Variants in TANC1 observed in about 807,000 individuals in gnomAD.
TANC1 encodes tetratricopeptide repeat, ankyrin repeat and coiled-coil containing 1, also known as protein TANC1.
Under a neutral mutation model 149.7 loss-of-function variants are expected in TANC1, and 77 were observed. That is an observed-to-expected ratio of 0.51 (90% confidence interval 0.43 to 0.62). The LOEUF (loss-of-function observed/expected upper bound fraction) is 0.62. Among genes scored for constraint, TANC1 ranks in the 20% least tolerant of loss-of-function variants. The pLI is 0.00. For synonymous variants in TANC1, 854 were observed against 925.0 expected (o/e 0.92, Z 1.39); for missense variants, 1,985 against 2,321.8 (o/e 0.85, Z 2.98).
chr2:159,177,911 G>C (rs940634249), intron 13 of TANC1, among the ~76,000 whole-genome samples: 1 of 152,180 alleles, frequency 6.6e-6, no homozygotes, highest in Non-Finnish European at 1.5e-5. Context: ...GAAAATTAGT[G>C]ACACTGTGCA....
At chr2:159,065,655 T>TTTA (rs11446129) in intron 2 of TANC1, among the ~76,000 whole-genome samples, 2 of 151,176 alleles carry the variant, frequency 1.3e-5, no homozygotes, top group African/African-American at 4.8e-5. Flanking sequence ...TTTTTTTTTT[T>TTTA]AGCTTTTCTA....
In TANC1 at chr2:158,994,740, A is replaced by G. The variant is rs563858500; in HGVS notation, c.-125-6340A>G. On this transcript the variant is annotated intron_variant, in intron 1 of 26. Coordinates refer to ENST00000263635, the MANE Select transcript of TANC1 (RefSeq NM_033394.3). ...AAGTTGATTTATTTGTGGTTATTGT[A>G]ATACTATTTTGCCAAGTCATAAATG... Among the ~76,000 whole-genome samples the G allele has an allele frequency of 6.6e-5, 10 of 152,236 alleles. 1 individual carries two copies. Among genetic ancestry groups the G allele is most frequent in the South Asian group, 4.1e-4 (2 of 4,826 alleles).
chr2:159,045,149 A>G (rs558078863), intron 2 of TANC1, among the ~76,000 whole-genome samples: 2 of 152,334 alleles, frequency 1.3e-5, no homozygotes, highest in Admixed American at 6.5e-5. Context: ...GTGATAGTGT[A>G]TATCATGAAG....
intron 2 of TANC1, among the ~76,000 whole-genome samples, chr2:159,040,233 AG>A (rs2040522330): frequency 6.6e-6 from 1 of 151,260 alleles, no homozygotes; most frequent in African/African-American, 2.4e-5. Context: ...TTTATTTTTG[AG>A]CCTGGGGGTT....
chr2:158,980,893 T>G lies in TANC1; in HGVS notation c.-126+12111T>G, dbSNP rs147272691. Among the ~76,000 whole-genome samples the G allele has an allele frequency of 3.5e-3, 540 of 152,298 alleles. 5 individuals carry two copies. The highest frequency in any genetic ancestry group is 0.012 in the African/African-American group (504 of 41,574). ...GGGCTGTTGTTGTTGTTTGTCTCTT[T>G]CGTCTTTTTAAATGTAGAAAAATAA... On this transcript the variant is annotated intron_variant, in intron 1 of 26. Coordinates refer to ENST00000263635, the MANE Select transcript of TANC1 (RefSeq NM_033394.3).
At chr2:159,117,222 T>C (rs1169161137) in intron 4 of TANC1, among the ~76,000 whole-genome samples, 1 of 152,178 alleles carries the variant, frequency 6.6e-6, no homozygotes, top group African/African-American at 2.4e-5. Flanking sequence ...TTGGGTGAAC[T>C]TCTATTTTTA....
At chr2:159,223,825 G>A (rs62172668) in intron 22 of TANC1, among the ~76,000 whole-genome samples, 1 of 152,218 alleles carries the variant, frequency 6.6e-6, no homozygotes, top group Non-Finnish European at 1.5e-5. Flanking sequence ...GTGGGTCTGA[G>A]TATTTCTAAA....
chr2:159,071,505 G>A (rs752112090), intron 3 of TANC1, among the ~76,000 whole-genome samples: 2 of 152,132 alleles, frequency 1.3e-5, no homozygotes, highest in South Asian at 2.1e-4. Context: ...GCCTGTGTGT[G>A]TACTGAATTA....
chr2:159,189,841 A>G (rs978847268), intron 16 of TANC1, among the ~76,000 whole-genome samples: 2 of 152,176 alleles, frequency 1.3e-5, no homozygotes, highest in Admixed American at 6.5e-5. Flanking sequence ...GGGCCAGGGT[A>G]TTGGAAACTT....
At chr2:159,042,269 CA>C (rs2040705033) in intron 2 of TANC1, among the ~76,000 whole-genome samples, 1 of 152,132 alleles carries the variant, frequency 6.6e-6, no homozygotes, top group South Asian at 2.1e-4. Context: ...TTTTTTGGCC[CA>C]AACGTGACTG....
intron 17 of TANC1, among the ~76,000 whole-genome samples, chr2:159,195,757 A>G (rs1306718154): frequency 2.0e-5 from 3 of 152,140 alleles, no homozygotes; most frequent in African/African-American, 7.2e-5. Flanking sequence ...TGGGCTTTAC[A>G]CTTTATTCTG....
intron 4 of TANC1, among the ~76,000 whole-genome samples, chr2:159,122,322 C>A (rs1018903565): frequency 1.8e-4 from 27 of 152,232 alleles, no homozygotes; most frequent in Non-Finnish European, 2.8e-4. Flanking sequence ...TTAGCTGTTG[C>A]TCTCTATACA....
At chr2:159,218,766 C>T (rs2059504268) in intron 20 of TANC1, among the ~76,000 whole-genome samples, 1 of 152,212 alleles carries the variant, frequency 6.6e-6, no homozygotes, top group South Asian at 2.1e-4. Flanking sequence ...GCCAATGCTG[C>T]ATCTTAGGAA....
At chr2:159,088,028 G>A (rs1439144203) in intron 3 of TANC1, among the ~76,000 whole-genome samples, 3 of 151,530 alleles carry the variant, frequency 2.0e-5, no homozygotes, top group African/African-American at 7.3e-5. Context: ...GATTCTCCCC[G>A]AGAGCCTTCA....
At chr2:159,054,974 C>T (rs2041741202) in intron 2 of TANC1, among the ~76,000 whole-genome samples, 1 of 152,170 alleles carries the variant, frequency 6.6e-6, no homozygotes, top group Non-Finnish European at 1.5e-5. Context: ...TCCAGAATCA[C>T]TTTGTATACA....
intron 19 of TANC1, 37 bp from the exon 20 acceptor site, chr2:159,217,460 A>C: frequency 6.2e-7 from 1 of 1,613,328 alleles, no homozygotes; most frequent in Non-Finnish European, 8.5e-7. Flanking sequence ...GCTCCACCAC[A>C]TGCTAACAGA....
Position 159,217,829 on chromosome 2 carries a change from G to A in TANC1, c.3378+199G>A, listed in dbSNP as rs115886987. The stretch of plus-strand genomic sequence containing the variant: ...GTTGGCCACGTAGGCTGGGGAGCAA[G>A]GCTGCTCAAGGCTGAGCTATCCAGG... On this transcript the variant is annotated intron_variant, in intron 20 of 26. Transcript: ENST00000263635. Among the ~76,000 whole-genome samples the A allele has an allele frequency of 2.6e-3, 392 of 152,318 alleles. 2 individuals are homozygous for A. The highest frequency in any genetic ancestry group is 4.4e-3 in the Non-Finnish European group (298 of 68,022).
intron 2 of TANC1, among the ~76,000 whole-genome samples, chr2:159,011,329 C>T (rs1424044929): frequency 1.3e-5 from 2 of 151,212 alleles, no homozygotes; most frequent in African/African-American, 4.9e-5. Flanking sequence ...AAAACAACAA[C>T]AACAACAAAA....
chr2:159,141,066 G>A (rs529131016), intron 5 of TANC1, among the ~76,000 whole-genome samples: 1 of 152,276 alleles, frequency 6.6e-6, no homozygotes, highest in African/African-American at 2.4e-5. Flanking sequence ...CTTAGTTCAG[G>A]CTGCTATAAC....
Sources: allele counts gnomAD v4.1 joint callset (sites outside exome capture counted in the v4.1 genomes callset), GRCh38; gene constraint gnomAD v4.1.1; transcripts MANE v1.5; gene names NCBI Gene and HGNC (gene_info 2026-07-23, HGNC 2026-07-21).